The following MTMR8 variants were observed in gnomAD, a reference collection of about 807,000 sequenced individuals.
The protein encoded by MTMR8 is myotubularin related protein 8.
In MTMR8, 65 loss-of-function variants were observed where a neutral mutation model predicts 39.3. That is an observed-to-expected ratio of 1.65 (90% CI 1.35 to 2.03). MTMR8 has a LOEUF of 2.03. Ranked by LOEUF, MTMR8 falls within the 30% of genes most tolerant of loss-of-function variation. The pLI is 0.00. For synonymous variants in MTMR8, 245 were observed against 185.2 expected (o/e 1.32, Z -2.62); for missense variants, 777 against 538.9 (o/e 1.44, Z -4.37).
chrX:64,291,595 G>T (rs987738107), intron 12 of MTMR8, among the ~76,000 whole-genome samples: 2 of 110,779 alleles, frequency 1.8e-5, no homozygotes, highest in Admixed American at 9.7e-5. Context: ...GATCAGTCCT[G>T]AAATCCCTCA....
chrX:64,390,832 A>AT (rs1047160186), intron 1 of MTMR8, among the ~76,000 whole-genome samples: 1 of 110,027 alleles, frequency 9.1e-6, no homozygotes, highest in Non-Finnish European at 1.9e-5. Context: ...ATTTTTTTTA[A>AT]TTTTTTGTAC....
At position 64,359,519 on chromosome X, in the gene MTMR8, G is replaced by C; in HGVS notation, c.33C>G (p.Asn11Lys). Residue 11 changes from asparagine (N) to lysine (K), a missense_variant, in exon 2 of 14, where the codon AAC becomes AAG. Physicochemically the swap from Asn to Lys is moderately conservative, Grantham distance 94 (BLOSUM62 0). Transcript: ENST00000374852. MDHITVPKVENVKLVDRYVSK... is the reference protein window; with the variant it reads MDHITVPKVEKVKLVDRYVSK... The stretch of plus-strand genomic sequence containing the variant: ...TCACATAACGATCCACCAATTTCAC[G>C]TTTTCTACCTGTTATTGGAGGAAAA... The C allele has an allele frequency of 8.4e-7, 1 of 1,193,592 alleles. No homozygotes were observed. Among genetic ancestry groups the C allele is most frequent in the Non-Finnish European group, 1.1e-6 (1 of 885,317 alleles).
At chrX:64,363,388 T>C (rs755891141) in intron 1 of MTMR8, among the ~76,000 whole-genome samples, 1 of 111,371 alleles carries the variant, frequency 9.0e-6, no homozygotes, top group African/African-American at 3.3e-5. Flanking sequence ...GTCCTCATGA[T>C]AATGACTGAA....
chrX:64,308,605 T>G (rs1569216690), intron 12 of MTMR8, among the ~76,000 whole-genome samples: 1 of 111,614 alleles, frequency 9.0e-6, no homozygotes, highest in South Asian at 3.7e-4. Flanking sequence ...TTTTCCAATT[T>G]TATAAACAAT....
rs1931746032 is a variant in MTMR8 at position 64,270,936 on chromosome X, T to C, written c.1608+11A>G. Reference sequence around the variant, plus strand: ...GGCAAGAAGATCTCTCTTTGGGACTTTTCTCCTCACCTTTTCTAGTTCATG... The same window carrying C: ...GGCAAGAAGATCTCTCTTTGGGACTCTTCTCCTCACCTTTTCTAGTTCATG... On this transcript the variant is annotated intron_variant, in intron 13 of 13. Transcript: ENST00000374852. 2 of 1,207,140 alleles carry C rather than the reference T, an allele frequency of 1.7e-6. No homozygotes were observed. The highest frequency in any genetic ancestry group is 3.6e-5 in the South Asian group (2 of 55,975).
chrX:64,278,049 A>G (rs1438025228), intron 12 of MTMR8, among the ~76,000 whole-genome samples: 1 of 108,584 alleles, frequency 9.2e-6, no homozygotes, highest in Non-Finnish European at 1.9e-5. Flanking sequence ...TGCTTCACAA[A>G]GTTCTCGTGC....
chrX:64,383,799 T>C (rs1924492842), intron 1 of MTMR8, among the ~76,000 whole-genome samples: 1 of 111,115 alleles, frequency 9.0e-6, no homozygotes, highest in Non-Finnish European at 1.9e-5. Context: ...TAATTCAACA[T>C]GAGGTTTGGT....
Position 64,270,752 on chromosome X carries a change from G to C in MTMR8, c.1608+195C>G, listed in dbSNP as rs148604978. 1.1e-4 allele frequency among the ~76,000 whole-genome samples: 12 copies of C among 111,664 alleles called. No homozygotes were observed. The East Asian group carries it at 2.5e-3, about 24-fold the overall frequency. ...CAAATTCACTTGTTTATCTAGTTGAGTGACATATTTACCACATTTTGGGAA... is the reference window on the plus strand; with the variant it reads ...CAAATTCACTTGTTTATCTAGTTGACTGACATATTTACCACATTTTGGGAA... On this transcript the variant is annotated intron_variant, in intron 13 of 13. Coordinates refer to ENST00000374852, the MANE Select transcript of MTMR8 (RefSeq NM_017677.4).
intron 12 of MTMR8, among the ~76,000 whole-genome samples, chrX:64,278,690 T>C: frequency 9.1e-6 from 1 of 109,673 alleles, no homozygotes; most frequent in South Asian, 4.0e-4. Context: ...ATCAGGCTGG[T>C]CTCGAACTCC....
At chrX:64,362,431 T>TCAA (rs1306914541) in intron 1 of MTMR8, among the ~76,000 whole-genome samples, 3 of 22,506 alleles carry the variant, frequency 1.3e-4, no homozygotes, top group Admixed American at 6.7e-4. Context: ...GGGAAAAAAA[T>TCAA]CAACAACAAC....
chrX:64,362,778 A>G (rs1371557891), intron 1 of MTMR8, among the ~76,000 whole-genome samples: 1 of 110,862 alleles, frequency 9.0e-6, no homozygotes, highest in Non-Finnish European at 1.9e-5. Flanking sequence ...ATCTATGAAC[A>G]GGGAAAGACT....
rs1602144136 is a variant in MTMR8 at position 64,354,882 on chromosome X, C to T, written c.363G>A (p.Glu121=). 1.8e-5 allele frequency: 22 copies of T among 1,205,571 alleles called. No homozygotes were observed. Among genetic ancestry groups the T allele is most frequent in the Non-Finnish European group, 2.2e-5 (20 of 891,807 alleles). The change falls in exon 4 of 14, where the codon GAG becomes GAA. Residue 121 remains glutamate (E), a synonymous_variant. Coordinates refer to ENST00000374852, the MANE Select transcript of MTMR8 (RefSeq NM_017677.4). Reference sequence around the variant, plus strand: ...TCAGTTTCCATCCACTTTCCCTCATCTCTTTTGAGGATTTGGGATTATAAG... The same window carrying T: ...TCAGTTTCCATCCACTTTCCCTCATTTCTTTTGAGGATTTGGGATTATAAG... ...AFSYNPKSSK[E]MRESGWKLID... is the part of the protein sequence containing the mutation.
intron 10 of MTMR8, among the ~76,000 whole-genome samples, chrX:64,332,291 C>T (rs1373075189): frequency 9.0e-6 from 1 of 111,423 alleles, no homozygotes; most frequent in Non-Finnish European, 1.9e-5. Flanking sequence ...TTAATATTTC[C>T]TCCCCACAAT....
chrX:64,278,594 C>T (rs748933050), intron 12 of MTMR8, among the ~76,000 whole-genome samples: 9 of 105,207 alleles, frequency 8.6e-5, no homozygotes, highest in African/African-American at 3.1e-4. Flanking sequence ...CTGCCTCAGC[C>T]TCCTGAGGAG....
At chrX:64,373,119 A>G (rs1924172140) in intron 1 of MTMR8, among the ~76,000 whole-genome samples, 1 of 112,212 alleles carries the variant, frequency 8.9e-6, no homozygotes, top group Admixed American at 9.5e-5. Flanking sequence ...CATTTCATAT[A>G]TGTGGAAATT....
At chrX:64,302,482 A>G (rs1921928252) in intron 12 of MTMR8, among the ~76,000 whole-genome samples, 1 of 111,819 alleles carries the variant, frequency 8.9e-6, no homozygotes, top group African/African-American at 3.3e-5. Flanking sequence ...CCCTAGTGAG[A>G]TGAACCCGGT....
chrX:64,287,434 T>A (rs1353696296), intron 12 of MTMR8, among the ~76,000 whole-genome samples: 2 of 111,450 alleles, frequency 1.8e-5, no homozygotes, highest in Admixed American at 1.9e-4. Context: ...AAGCTACCAA[T>A]GACTTTCTTC....
intron 11 of MTMR8, among the ~76,000 whole-genome samples, chrX:64,331,135 G>A (rs1326769514): frequency 1.8e-5 from 2 of 111,557 alleles, no homozygotes; most frequent in Admixed American, 1.9e-4. Flanking sequence ...TGTCGGCAAC[G>A]AATTAGGAGT....
chrX:64,357,691 C>T (rs1923662061), intron 2 of MTMR8, among the ~76,000 whole-genome samples: 1 of 111,918 alleles, frequency 8.9e-6, no homozygotes, highest in Admixed American at 9.5e-5. Flanking sequence ...GCCTCCCAAA[C>T]TGCTGGGATC....
Sources: gnomAD v4.1 joint callset for allele counts (sites outside exome capture counted in the v4.1 genomes callset) on GRCh38, gnomAD v4.1.1 for gene constraint, MANE v1.5 for transcripts, NCBI Gene and HGNC (gene_info 2026-07-23, HGNC 2026-07-21) for gene names.